Variants in EZH1 observed in about 807,000 individuals in gnomAD.
The protein encoded by EZH1 is histone-lysine N-methyltransferase EZH1.
A neutral mutation model predicts 100.5 loss-of-function variants in EZH1; 33 were observed. The observed-to-expected ratio is 0.33, with a 90% CI of 0.25 to 0.44. EZH1 has a LOEUF of 0.44. Ranked by LOEUF, EZH1 falls within the 20% of genes least tolerant of loss-of-function variation. EZH1 has a pLI of 1.00. For missense variants in EZH1, 475 were observed against 928.4 expected (o/e 0.51, Z 6.35); for synonymous variants, 272 against 313.8 (o/e 0.87, Z 1.41).
intron 14 of EZH1, 67 bp downstream of exon 14, chr17:42,708,809 G>T: frequency 2.0e-6 from 3 of 1,534,808 alleles, no homozygotes; most frequent in South Asian, 1.1e-5. Context: ...CTGGAGGTGG[G>T]GTAGGGTGAT....
At chr17:42,704,512 C>T (rs1272994017) in intron 18 of EZH1, 90 bp downstream of exon 18, 4 of 1,019,754 alleles carry the variant, frequency 3.9e-6, no homozygotes, top group African/African-American at 3.3e-5. Context: ...CGCACCATTG[C>T]ACCCTAGCCT....
In EZH1 at chr17:42,718,739, G is replaced by A; in HGVS notation, c.768-122C>T. On this transcript the variant is annotated intron_variant, in intron 8 of 20. Transcript: ENST00000428826. The surrounding 1 kb of genome is among the most constrained non-coding windows in gnomAD (Gnocchi z 4.2). The stretch of plus-strand genomic sequence containing the variant: ...AAGGGAGGATGGGTGTTTTTTATAG[G>A]TCTGGTTGATAAGAGAATGGTAGAT... The A allele has an allele frequency of 1.0e-6, 1 of 955,752 alleles. No homozygotes were observed. Among genetic ancestry groups the A allele is most frequent in the South Asian group, 1.6e-5 (1 of 62,812 alleles). 59.2% of individuals were successfully genotyped at this position (955,752 alleles called of 1,614,324 possible). A position where few individuals can be genotyped will look rare whatever the true frequency, so the allele number is the denominator to read the frequency against.
chr17:42,702,654 G>A lies in EZH1; in HGVS notation c.2184-62C>T, dbSNP rs372475169. Reference sequence around the variant, plus strand: ...CATGACTTTTGTGATTGAAAAGGCGGAGTCCCCTCCCGTTTCACTTCCCCT... The same window carrying A: ...CATGACTTTTGTGATTGAAAAGGCGAAGTCCCCTCCCGTTTCACTTCCCCT... On this transcript the variant is annotated intron_variant, in intron 20 of 20. Transcript: ENST00000428826. The A allele has an allele frequency of 6.0e-6, 9 of 1,504,252 alleles. No individual in the cohort carries two copies. In the Admixed American group the frequency reaches 7.9e-5, roughly 13 times the overall value. 93.2% of individuals were successfully genotyped at this position (1,504,252 alleles called of 1,614,324 possible). A position where few individuals can be genotyped will look rare whatever the true frequency, so the allele number is the denominator to read the frequency against.
intron 10 of EZH1, among the ~76,000 whole-genome samples, chr17:42,713,606 T>C (rs1213404605): frequency 3.3e-5 from 5 of 151,758 alleles, no homozygotes; most frequent in Non-Finnish European, 5.9e-5. Context: ...TGTTTTTTTG[T>C]TTGTTTGTTT....
At chr17:42,720,900 C>T (rs1270704735) in intron 6 of EZH1, among the ~76,000 whole-genome samples, 2 of 152,142 alleles carry the variant, frequency 1.3e-5, no homozygotes, top group Non-Finnish European at 2.9e-5. Flanking sequence ...ATCCGCCCGC[C>T]TCGGCCTACC....
rs747924624 is a variant in EZH1, at chr17:42,713,329, G to C, written c.1084C>G (p.Arg362Gly). 2 of 1,612,456 alleles carry C rather than the reference G, an allele frequency of 1.2e-6. No homozygotes were observed. The highest frequency in any genetic ancestry group is 1.7e-5 in the Admixed American group (1 of 59,976). ...NPRSKCSGRR[R>G]RRHHIVSASC... The stretch of plus-strand genomic sequence containing the variant: ...GCACTGACTATGTGGTGCCTTCTCC[G>C]GCGACGACCAGAGCACTTGGAGCGG... Residue 362 changes from arginine to glycine, a missense_variant, in exon 11 of 21, where the codon CGG becomes GGG. This residue lies in a region of EZH1 where 180 missense variants were observed against 295.3 expected (regional missense o/e 0.61). Transcript: ENST00000428826.
intron 4 of EZH1, among the ~76,000 whole-genome samples, chr17:42,725,382 C>T (rs1490256024): frequency 6.6e-6 from 1 of 151,824 alleles, no homozygotes; most frequent in Non-Finnish European, 1.5e-5. Flanking sequence ...CATCCTCCAA[C>T]CTCAGCCTCC....
At chr17:42,744,284 T>A (rs1364261140) in intron 1 of EZH1, among the ~76,000 whole-genome samples, 5 of 152,174 alleles carry the variant, frequency 3.3e-5, no homozygotes, top group African/African-American at 1.2e-4. Flanking sequence ...TACAACACCT[T>A]GTCTGTGCTT....
intron 4 of EZH1, 38 bp downstream of exon 4, chr17:42,727,597 G>T (rs758814400): frequency 1.9e-6 from 3 of 1,583,778 alleles, no homozygotes; most frequent in Non-Finnish European, 2.6e-6. Flanking sequence ...TTAAGCCCAA[G>T]GAAGAGAGGA....
Position 42,727,723 on chromosome 17 carries a change from G to T in EZH1, c.158C>A (p.Thr53Asn), listed in dbSNP as rs2053849579. 1 of 1,607,242 alleles carries T rather than the reference G, an allele frequency of 6.2e-7. No individual in the cohort carries two copies. Among genetic ancestry groups the T allele is most frequent in the African/African-American group, 1.3e-5 (1 of 74,332 alleles). Residue 53 changes from threonine (T) to asparagine (N), a missense_variant, in exon 4 of 21, where the codon ACC becomes AAC. Transcript: ENST00000428826. ...VANFAKVQEK[T>N]QILNEEWKKL... is the part of the protein sequence containing the mutation. ...CTTCCATTCTTCATTGAGGATCTGG[G>T]TTTTTTCTTGAACCTTTGCAAAATT...
intron 6 of EZH1, among the ~76,000 whole-genome samples, chr17:42,722,148 C>CAAAAA (rs66555154): frequency 5.1e-5 from 2 of 38,992 alleles, no homozygotes; most frequent in Admixed American, 3.1e-4. Context: ...GACTCTGTCT[C>CAAAAA]AAAAAAAAAA....
chr17:42,705,211 C>A, intron 16 of EZH1, 28 bp from the exon 17 acceptor site: 1 of 1,519,228 alleles, frequency 6.6e-7, no homozygotes, highest in Non-Finnish European at 9.1e-7. Context: ...AAGTCTCAGA[C>A]TACAGGGTGT....
chr17:42,732,709 C>A (rs960760930), intron 1 of EZH1, among the ~76,000 whole-genome samples: 1 of 152,162 alleles, frequency 6.6e-6, no homozygotes, highest in Non-Finnish European at 1.5e-5. Flanking sequence ...GCGGAGCCTG[C>A]AGTGAGCCGA....
chr17:42,738,836 T>C (rs1464105491), intron 1 of EZH1, among the ~76,000 whole-genome samples: 1 of 148,526 alleles, frequency 6.7e-6, no homozygotes, highest in Non-Finnish European at 1.5e-5. Flanking sequence ...CTCAGCTCAC[T>C]GCAATCTCCA....
intron 10 of EZH1, 58 bp from the exon 11 acceptor site, chr17:42,713,447 C>T: frequency 1.4e-6 from 2 of 1,467,954 alleles, no homozygotes; most frequent in Non-Finnish European, 1.8e-6. Context: ...ATATTGATCT[C>T]ATCATCACAA....
At chr17:42,729,911 G>A (rs540910599) in intron 2 of EZH1, among the ~76,000 whole-genome samples, 19 of 151,888 alleles carry the variant, frequency 1.3e-4, no homozygotes, top group African/African-American at 4.3e-4. Flanking sequence ...GGTGGCACAC[G>A]CCTATAATCC....
At chr17:42,709,148 A>G in intron 13 of EZH1, 2 of 573,602 alleles carry the variant, frequency 3.5e-6, no homozygotes, top group Admixed American at 3.0e-5. Flanking sequence ...ACAAGCAAAT[A>G]ACATAAAAGA....
intron 4 of EZH1, among the ~76,000 whole-genome samples, chr17:42,726,195 T>TG (rs1462124580): frequency 6.6e-6 from 1 of 150,392 alleles, no homozygotes; most frequent in Non-Finnish European, 1.5e-5. Context: ...TTTTTTTTTT[T>TG]TTTTTAAGAG....
chr17:42,719,300 G>T (rs982893774), intron 7 of EZH1, 93 bp from the exon 8 acceptor site: 1 of 947,754 alleles, frequency 1.1e-6, no homozygotes, highest in Non-Finnish European at 1.7e-6. Context: ...ATAGCATTTT[G>T]ATTACAGCTG....
Sources: gnomAD v4.1 joint callset for allele counts (sites outside exome capture counted in the v4.1 genomes callset) on GRCh38, gnomAD v4.1.1 for gene constraint, gnomAD v4.1.1 regional missense constraint, Gnocchi (gnomAD v3.1) non-coding constraint, MANE v1.5 for transcripts, NCBI Gene and HGNC (gene_info 2026-07-23, HGNC 2026-07-21) for gene names.